Variants in DLGAP1 observed in about 807,000 individuals in gnomAD.
DLGAP1 encodes DLG associated protein 1.
In DLGAP1, 11 loss-of-function variants were observed where a neutral mutation model predicts 90.8. The observed-to-expected ratio is 0.12, with a 90% confidence interval of 0.08 to 0.20. The LOEUF is 0.20. Ranked by LOEUF, DLGAP1 falls within the 10% of genes least tolerant of loss-of-function variation. The pLI is 1.00. For synonymous variants in DLGAP1, 558 were observed against 540.7 expected, an observed-to-expected ratio of 1.03 and a Z score of -0.44; for missense variants, 1,050 against 1,333.8, an observed-to-expected ratio of 0.79 and a Z score of 3.31.
At chr18:4,262,946 T>C (rs995434984) in intron 1 of DLGAP1, among the ~76,000 whole-genome samples, 4 of 152,132 alleles carry the variant, frequency 2.6e-5, no homozygotes, top group African/African-American at 9.7e-5. Context: ...TTATTATTTT[T>C]TTTTTGAGAC....
At chr18:4,199,581 C>T (rs1431251319) in intron 1 of DLGAP1, among the ~76,000 whole-genome samples, 1 of 152,168 alleles carries the variant, frequency 6.6e-6, no homozygotes, top group Non-Finnish European at 1.5e-5. Context: ...ACTGTTCTCC[C>T]ATTTACCCAC....
At position 4,423,281 on chromosome 18, in the gene DLGAP1, A is replaced by G. The variant is rs138411496; in HGVS notation, c.-267+31725T>C. Among the ~76,000 whole-genome samples, 330 of 152,328 alleles carry G rather than the reference A, an allele frequency of 2.2e-3. 1 individual carries two copies. The highest frequency in any genetic ancestry group is 7.2e-3 in the African/African-American group (300 of 41,590). On this transcript the variant is annotated intron_variant, in intron 1 of 12. Transcript: ENST00000315677. Reference sequence around the variant, plus strand: ...AGAATTTTATGTAGCTCTTCATAAAATAAACAATGAAAATTGTGCAGTGCT... The same window carrying G: ...AGAATTTTATGTAGCTCTTCATAAAGTAAACAATGAAAATTGTGCAGTGCT...
At chr18:4,017,036 GGT>G (rs1345059325) in intron 2 of DLGAP1, among the ~76,000 whole-genome samples, 2 of 152,148 alleles carry the variant, frequency 1.3e-5, no homozygotes, top group East Asian at 3.9e-4. Flanking sequence ...ATGAATAAGA[GGT>G]GAGAATTTTC....
chr18:3,558,100 T>C (rs1945418056), intron 9 of DLGAP1, among the ~76,000 whole-genome samples: 1 of 152,220 alleles, frequency 6.6e-6, no homozygotes, highest in Non-Finnish European at 1.5e-5. Context: ...TGCATTCAAC[T>C]GTGTGCTTAC....
At chr18:3,583,979 C>T (rs1018279443) in intron 7 of DLGAP1, among the ~76,000 whole-genome samples, 2 of 152,030 alleles carry the variant, frequency 1.3e-5, no homozygotes, top group African/African-American at 2.4e-5. Context: ...ATCTAGGCTG[C>T]TGAGTACAAT....
chr18:4,152,642 G>A (rs1484137562), intron 1 of DLGAP1, among the ~76,000 whole-genome samples: 4 of 152,250 alleles, frequency 2.6e-5, no homozygotes, highest in East Asian at 3.9e-4. Flanking sequence ...AAGTGTTGTG[G>A]GTGGTAAAAG....
At chr18:3,724,594 A>T (rs1220390597) in intron 7 of DLGAP1, among the ~76,000 whole-genome samples, 1 of 151,694 alleles carries the variant, frequency 6.6e-6, no homozygotes, top group Non-Finnish European at 1.5e-5. Flanking sequence ...AAATACAAAA[A>T]ATTATCCGGG....
At chr18:3,772,172 C>CCTTCTTTT (rs139069395) in intron 5 of DLGAP1, among the ~76,000 whole-genome samples, 1 of 145,198 alleles carries the variant, frequency 6.9e-6, no homozygotes, top group East Asian at 2.0e-4. Context: ...TTCTCTCCTT[C>CCTTCTTTT]CTTTCTCTCC....
chr18:3,931,923 C>A (rs1204109623), intron 3 of DLGAP1, among the ~76,000 whole-genome samples: 1 of 152,138 alleles, frequency 6.6e-6, no homozygotes, highest in East Asian at 1.9e-4. Flanking sequence ...CCAGAGATTG[C>A]AAGGTTGATG....
intron 7 of DLGAP1, among the ~76,000 whole-genome samples, chr18:3,641,734 A>ATC (rs1446897178): frequency 1.3e-5 from 2 of 151,998 alleles, no homozygotes; most frequent in African/African-American, 4.8e-5. Context: ...TCACCTCATC[A>ATC]TCTCACTTAG....
At chr18:4,271,146 T>C (rs1296877494) in intron 1 of DLGAP1, among the ~76,000 whole-genome samples, 2 of 152,146 alleles carry the variant, frequency 1.3e-5, no homozygotes, top group Non-Finnish European at 2.9e-5. Flanking sequence ...GGTTTCACAC[T>C]AGAATCATTT....
At chr18:3,611,569 G>A (rs1402448447) in intron 7 of DLGAP1, among the ~76,000 whole-genome samples, 3 of 152,026 alleles carry the variant, frequency 2.0e-5, no homozygotes, top group East Asian at 1.9e-4. Flanking sequence ...CTGTTAACGC[G>A]TCCCCGCCTC....
chr18:4,344,502 G>C (rs1485438483), intron 1 of DLGAP1, among the ~76,000 whole-genome samples: 1 of 152,156 alleles, frequency 6.6e-6, no homozygotes, highest in Non-Finnish European at 1.5e-5. Flanking sequence ...CAACATAGTA[G>C]AAGAGTTTAC....
intron 5 of DLGAP1, among the ~76,000 whole-genome samples, chr18:3,746,874 G>A (rs1195767803): frequency 1.3e-5 from 2 of 152,224 alleles, no homozygotes; most frequent in East Asian, 3.9e-4. Context: ...GTGTACGATT[G>A]CATCTATTCT....
intron 2 of DLGAP1, among the ~76,000 whole-genome samples, chr18:4,099,158 C>T (rs2075731428): frequency 6.6e-6 from 1 of 152,128 alleles, no homozygotes; most frequent in Admixed American, 6.6e-5. Flanking sequence ...TTGGCATATT[C>T]TAAAGTCTTA....
intron 2 of DLGAP1, among the ~76,000 whole-genome samples, chr18:4,128,814 C>T (rs1303762692): frequency 6.6e-6 from 1 of 152,146 alleles, no homozygotes; most frequent in Non-Finnish European, 1.5e-5. Flanking sequence ...GATCTCCTGA[C>T]TTTCCATATG....
At chr18:4,351,295 C>T (rs1339174743) in intron 1 of DLGAP1, among the ~76,000 whole-genome samples, 1 of 152,144 alleles carries the variant, frequency 6.6e-6, no homozygotes, top group Non-Finnish European at 1.5e-5. Flanking sequence ...TTTGCTGCCT[C>T]ACTAGCTGTG....
chr18:4,270,921 C>T (rs746310641), intron 1 of DLGAP1, among the ~76,000 whole-genome samples: 11 of 152,094 alleles, frequency 7.2e-5, no homozygotes, highest in Admixed American at 1.3e-4. Flanking sequence ...ATTGTTTGAT[C>T]CTATCACTAG....
At chr18:4,167,518 T>C (rs1174254653) in intron 1 of DLGAP1, among the ~76,000 whole-genome samples, 1 of 152,196 alleles carries the variant, frequency 6.6e-6, no homozygotes, top group Non-Finnish European at 1.5e-5. Context: ...AGAGGGTACA[T>C]GCCACTATCC....
Sources: gnomAD v4.1 joint callset for allele counts (sites outside exome capture counted in the v4.1 genomes callset) on GRCh38, gnomAD v4.1.1 for gene constraint, MANE v1.5 for transcripts, NCBI Gene and HGNC (gene_info 2026-07-23, HGNC 2026-07-21) for gene names.